The following ACTR3C variants were observed in gnomAD, a reference collection of about 807,000 sequenced individuals.
ACTR3C encodes the protein actin-related protein 3C.
ACTR3C carries 18 observed loss-of-function variants against 26.3 expected under a neutral mutation model. That is an observed-to-expected ratio of 0.68 (90% confidence interval 0.47 to 1.01). ACTR3C has a LOEUF of 1.01. Ranked by LOEUF, ACTR3C falls within the 50% of genes least tolerant of loss-of-function variation. The pLI is 0.00. For missense variants in ACTR3C, 184 were observed against 250.7 expected, an observed-to-expected ratio of 0.73 and a Z score of 1.80; for synonymous variants, 55 against 94.5, an observed-to-expected ratio of 0.58 and a Z score of 2.42.
the ACTR3C span, among the ~76,000 whole-genome samples, chr7:150,214,936 TA>T: frequency 6.6e-6 from 1 of 152,070 alleles, no homozygotes; most frequent in Non-Finnish European, 1.5e-5. Context: ...CTCAGAATTT[TA>T]CATCCAGGAA....
At chr7:150,186,226 C>T in the ACTR3C span, among the ~76,000 whole-genome samples, 1 of 152,118 alleles carries the variant, frequency 6.6e-6, no homozygotes. Flanking sequence ...GTGACTAAAA[C>T]GGTCCAGTCC....
chr7:149,895,158 C>T, the ACTR3C span, among the ~76,000 whole-genome samples: 2 of 151,802 alleles, frequency 1.3e-5, no homozygotes, highest in East Asian at 3.9e-4. Flanking sequence ...ACAAATATCA[C>T]ATGGTCTCAT....
At chr7:149,946,818 T>A in the ACTR3C span, among the ~76,000 whole-genome samples, 1 of 152,164 alleles carries the variant, frequency 6.6e-6, no homozygotes. Flanking sequence ...CCCACTGTGA[T>A]CCCTTCTCTG....
chr7:150,230,042 T>C, the ACTR3C span, among the ~76,000 whole-genome samples: 239 of 149,982 alleles, frequency 1.6e-3, no homozygotes, highest in African/African-American at 5.8e-3. Context: ...CTGACCAACA[T>C]GGCAAAACCC....
At chr7:150,198,456 C>T in the ACTR3C span, among the ~76,000 whole-genome samples, 20 of 140,426 alleles carry the variant, frequency 1.4e-4, no homozygotes, top group Non-Finnish European at 2.6e-4. Context: ...TCTGCCCGGC[C>T]GCCCATCGTC....
the ACTR3C span, among the ~76,000 whole-genome samples, chr7:150,238,014 T>A: frequency 6.6e-6 from 1 of 150,456 alleles, no homozygotes; most frequent in Admixed American, 6.6e-5. Context: ...GTTCTTGGCC[T>A]CACCTTCCCA....
At chr7:150,189,257 A>G in the ACTR3C span, among the ~76,000 whole-genome samples, 1 of 152,144 alleles carries the variant, frequency 6.6e-6, no homozygotes, top group African/African-American at 2.4e-5. Context: ...TTGGGCTTAT[A>G]GTATCAAGTC....
chr7:149,938,964 T>C, the ACTR3C span, among the ~76,000 whole-genome samples: 1 of 146,476 alleles, frequency 6.8e-6, no homozygotes, highest in Non-Finnish European at 1.5e-5. Flanking sequence ...TAAAAATATA[T>C]TATATACATA....
At chr7:150,080,867 G>T in the ACTR3C span, among the ~76,000 whole-genome samples, 3 of 152,148 alleles carry the variant, frequency 2.0e-5, no homozygotes, top group African/African-American at 7.2e-5. Context: ...CTTTACAAAA[G>T]TTGGGGCATA....
the ACTR3C span, among the ~76,000 whole-genome samples, chr7:149,926,811 T>C: frequency 6.6e-6 from 1 of 151,716 alleles, no homozygotes; most frequent in Non-Finnish European, 1.5e-5. Flanking sequence ...CTTCTAAAAA[T>C]GAAGAAGCAA....
the ACTR3C span, among the ~76,000 whole-genome samples, chr7:150,045,567 A>G: frequency 6.6e-6 from 1 of 151,830 alleles, no homozygotes; most frequent in Non-Finnish European, 1.5e-5. Flanking sequence ...TTTTCCAGAA[A>G]AAAAAAAAAA....
chr7:150,315,934 A>G (rs927570921), intron 1 of ACTR3C, among the ~76,000 whole-genome samples: 8 of 152,154 alleles, frequency 5.3e-5, no homozygotes, highest in African/African-American at 1.9e-4. Context: ...GCGGTGGCTC[A>G]CGCCTGTAAT....
the ACTR3C span, among the ~76,000 whole-genome samples, chr7:150,034,906 CCCCA>C: frequency 2.0e-4 from 30 of 147,542 alleles, no homozygotes; most frequent in East Asian, 1.8e-3. Flanking sequence ...GGGGTGCCTC[CCCCA>C]CCCTGCGATG....
the ACTR3C span, chr7:150,074,386 T>C: frequency 2.6e-5 from 4 of 152,128 alleles, no homozygotes; most frequent in Non-Finnish European, 2.9e-5. Context: ...AGGTGAAAGC[T>C]TCCAGGTGTT....
intron 1 of ACTR3C, among the ~76,000 whole-genome samples, chr7:150,306,485 G>A (rs1795814380): frequency 1.3e-5 from 2 of 152,166 alleles, no homozygotes; most frequent in South Asian, 4.1e-4. Context: ...GGGAATCTGT[G>A]ATTTGTTTTG....
the ACTR3C span, among the ~76,000 whole-genome samples, chr7:149,917,104 C>T: frequency 0.96 from 144,856 of 150,170 alleles, 70,075 homozygotes; most frequent in East Asian, 1. Flanking sequence ...AGATGGAGTT[C>T]CGCTCTTGTT....
intron 1 of ACTR3C, among the ~76,000 whole-genome samples, chr7:150,314,993 T>A (rs1318885317): frequency 1.4e-5 from 2 of 147,114 alleles, no homozygotes; most frequent in Non-Finnish European, 3.0e-5. Context: ...TTTAATAATA[T>A]TATTAAATAT....
the ACTR3C span, among the ~76,000 whole-genome samples, chr7:150,035,565 C>CGG: frequency 2.5e-5 from 2 of 81,038 alleles, no homozygotes; most frequent in Non-Finnish European, 5.0e-5. Context: ...TCCGCAGAGC[C>CGG]GGGGGGGAAG....
the ACTR3C span, among the ~76,000 whole-genome samples, chr7:150,141,688 T>C: frequency 2.0e-5 from 3 of 152,154 alleles, no homozygotes; most frequent in African/African-American, 4.8e-5. Flanking sequence ...AGAAAATCTC[T>C]GAACTCATCT....
Sources: allele counts gnomAD v4.1 joint callset (sites outside exome capture counted in the v4.1 genomes callset), GRCh38; gene constraint gnomAD v4.1.1; transcripts MANE v1.5; gene names NCBI Gene and HGNC (gene_info 2026-07-23, HGNC 2026-07-21).